Variants in KLF12 observed in about 807,000 individuals in gnomAD.
The protein encoded by KLF12 is Krueppel-like factor 12.
Under a neutral mutation model 37.8 loss-of-function variants are expected in KLF12, and 9 were observed. That is an observed-to-expected ratio of 0.24 (90% CI 0.14 to 0.42). The LOEUF (loss-of-function observed/expected upper bound fraction) is 0.42, where lower values mean the gene tolerates loss of function less well. Among genes scored for constraint, KLF12 ranks in the 10% least tolerant of loss-of-function variants. The pLI is 1.00. For missense variants in KLF12, 411 were observed against 516.0 expected, an observed-to-expected ratio of 0.80 and a Z score of 1.97; for synonymous variants, 208 against 202.1, an observed-to-expected ratio of 1.03 and a Z score of -0.25.
intron 2 of KLF12, among the ~76,000 whole-genome samples, chr13:73,957,066 GAAA>G (rs1890865512): frequency 1.6e-5 from 2 of 123,674 alleles, no homozygotes; most frequent in South Asian, 5.8e-4. Flanking sequence ...GAAAGGAAAG[GAAA>G]GGAAAGGAAA....
At chr13:73,914,108 C>CT (rs138286402) in intron 3 of KLF12, among the ~76,000 whole-genome samples, 9,204 of 152,230 alleles carry the variant, frequency 0.06, 703 homozygotes, top group African/African-American at 0.18. Context: ...GCACCTTTGC[C>CT]TTCCATCCTA....
At chr13:73,827,380 C>T (rs1566398736) in intron 4 of KLF12, among the ~76,000 whole-genome samples, 1 of 151,972 alleles carries the variant, frequency 6.6e-6, no homozygotes. Flanking sequence ...ATGTGAATAC[C>T]CACGTTTCCC....
the KLF12 span, among the ~76,000 whole-genome samples, chr13:74,147,167 G>T: frequency 6.6e-6 from 1 of 152,194 alleles, no homozygotes; most frequent in Admixed American, 6.5e-5. Context: ...TTTATCTAGA[G>T]ACTCTGAAGT....
intron 3 of KLF12, among the ~76,000 whole-genome samples, chr13:73,918,239 T>C (rs1302965611): frequency 3.3e-5 from 5 of 152,200 alleles, no homozygotes; most frequent in Non-Finnish European, 5.9e-5. Flanking sequence ...AAGTAAAACT[T>C]AAAACATACT....
intron 2 of KLF12, among the ~76,000 whole-genome samples, chr13:73,992,263 C>T (rs577272977): frequency 1.3e-5 from 2 of 152,248 alleles, no homozygotes; most frequent in Admixed American, 6.5e-5. Context: ...TGCTGAAATA[C>T]GCTGAAGTGT....
intron 4 of KLF12, among the ~76,000 whole-genome samples, chr13:73,823,957 G>A (rs1431297429): frequency 3.3e-5 from 5 of 151,920 alleles, no homozygotes; most frequent in South Asian, 2.1e-4. Context: ...TGATCCACCC[G>A]CCTTGGACTC....
At chr13:74,252,708 A>G in the KLF12 span, among the ~76,000 whole-genome samples, 5 of 152,328 alleles carry the variant, frequency 3.3e-5, no homozygotes, top group East Asian at 9.6e-4. Flanking sequence ...AAACTCTCTT[A>G]ATGAAATAGA....
chr13:73,931,545 C>A (rs1157897306), intron 3 of KLF12, among the ~76,000 whole-genome samples: 1 of 152,086 alleles, frequency 6.6e-6, no homozygotes, highest in African/African-American at 2.4e-5. Flanking sequence ...CATAGACATG[C>A]AATGTCAATG....
At position 73,880,814 on chromosome 13, in the gene KLF12, A is replaced by C. The variant is rs1396192003; in HGVS notation, c.124-34441T>G. On this transcript the variant is annotated intron_variant, in intron 3 of 7. Coordinates refer to ENST00000377669, the MANE Select transcript of KLF12 (RefSeq NM_007249.5). ...AAATAAATAACCTAGCAGTATAACT[A>C]ACCAAACTGTTATTAAATGGAAAGT... Among the ~76,000 whole-genome samples the C allele has an allele frequency of 2.6e-5, 4 of 152,258 alleles. No individual in the cohort carries two copies. The East Asian group carries it at 7.7e-4, about 29-fold the overall frequency.
chr13:74,304,549 CTTAAAA>C, the KLF12 span, among the ~76,000 whole-genome samples: 2 of 151,964 alleles, frequency 1.3e-5, no homozygotes, highest in Non-Finnish European at 2.9e-5. Flanking sequence ...ATATTTTTAA[CTTAAAA>C]TTTAAAAAAT....
chr13:74,108,213 A>T (rs1298921033), intron 1 of KLF12, among the ~76,000 whole-genome samples: 1 of 151,970 alleles, frequency 6.6e-6, no homozygotes, highest in Non-Finnish European at 1.5e-5. Flanking sequence ...TAGCAATAAT[A>T]ATAATAATAA....
chr13:73,891,947 G>A (rs534212896), intron 3 of KLF12, among the ~76,000 whole-genome samples: 2 of 152,134 alleles, frequency 1.3e-5, no homozygotes, highest in South Asian at 2.1e-4. Flanking sequence ...TCTCCCAAGA[G>A]GTCACCAACC....
intron 1 of KLF12, among the ~76,000 whole-genome samples, chr13:74,099,892 A>C (rs1876218527): frequency 6.6e-6 from 1 of 152,256 alleles, no homozygotes. Context: ...ACAGTACTGA[A>C]GTATAAAATG....
chr13:73,722,700 A>T (rs767707874), intron 6 of KLF12, among the ~76,000 whole-genome samples: 41 of 152,376 alleles, frequency 2.7e-4, no homozygotes, highest in Admixed American at 5.2e-4. Flanking sequence ...TTTTCACAAA[A>T]TGTATAAATC....
chr13:74,022,219 G>A (rs910719216), intron 1 of KLF12, among the ~76,000 whole-genome samples: 3 of 152,026 alleles, frequency 2.0e-5, no homozygotes, highest in Admixed American at 1.3e-4. Context: ...CAAATGACAA[G>A]TCTACAAAGT....
the KLF12 span, among the ~76,000 whole-genome samples, chr13:74,159,956 C>T: frequency 1.5e-5 from 2 of 135,264 alleles, no homozygotes; most frequent in Admixed American, 1.6e-4. Context: ...GAGCCAAGAT[C>T]ACATCACTAC....
In KLF12 at chr13:73,941,847, GA is replaced by G. The variant is rs540535250; in HGVS notation, c.123+2133del. 3.7e-3 allele frequency among the ~76,000 whole-genome samples: 545 copies of G among 147,400 alleles called. 4 individuals are homozygous for G. The highest frequency in any genetic ancestry group is 0.012 in the African/African-American group (476 of 40,228). ...TTAAGAGGTACACATAAACCCAAAGGAAAAAAAAAAGTTCTATTTCCCTCCA... is the reference window on the plus strand; with the variant it reads ...TTAAGAGGTACACATAAACCCAAAGGAAAAAAAAAGTTCTATTTCCCTCCA... On this transcript the variant is annotated intron_variant, in intron 3 of 7. Transcript: ENST00000377669.
intron 6 of KLF12, among the ~76,000 whole-genome samples, chr13:73,736,551 T>C (rs924116762): frequency 1.3e-5 from 2 of 152,332 alleles, no homozygotes; most frequent in Middle Eastern, 3.4e-3. Context: ...TATCAGGTGA[T>C]ATGTGTCTGC....
At chr13:73,940,280 C>T (rs543012567) in intron 3 of KLF12, among the ~76,000 whole-genome samples, 2 of 152,174 alleles carry the variant, frequency 1.3e-5, no homozygotes, top group African/African-American at 4.8e-5. Context: ...GCCCCTGAAG[C>T]GTATCACAAG....
Sources: allele counts gnomAD v4.1 joint callset (sites outside exome capture counted in the v4.1 genomes callset), GRCh38; gene constraint gnomAD v4.1.1; transcripts MANE v1.5; gene names NCBI Gene and HGNC (gene_info 2026-07-23, HGNC 2026-07-21).